Variants in SDK1 observed in about 807,000 individuals in gnomAD.
SDK1 encodes protein sidekick-1.
Under a neutral mutation model 245.5 loss-of-function variants are expected in SDK1, and 157 were observed. That is an observed-to-expected ratio of 0.64 (90% confidence interval 0.56 to 0.73). SDK1 has a LOEUF of 0.73. Ranked by LOEUF, SDK1 falls within the 30% of genes least tolerant of loss-of-function variation. The pLI is 0.00. For missense variants in SDK1, 3,583 were observed against 3,002.3 expected (o/e 1.19, Z -4.52); for synonymous variants, 1,647 against 1,278.5 (o/e 1.29, Z -6.15).
intron 17 of SDK1, among the ~76,000 whole-genome samples, chr7:4,022,530 C>A (rs1786982402): frequency 3.3e-5 from 5 of 152,246 alleles, no homozygotes; most frequent in Admixed American, 2.6e-4. Context: ...TATGCCTGGG[C>A]TGAGGGAGGG....
chr7:4,084,547 G>A (rs193117005), intron 22 of SDK1, among the ~76,000 whole-genome samples: 5 of 152,190 alleles, frequency 3.3e-5, no homozygotes, highest in African/African-American at 7.2e-5. Flanking sequence ...GGATCTCCTC[G>A]CTCCCAGCTG....
At chr7:3,577,084 T>C (rs1780318061) in intron 1 of SDK1, among the ~76,000 whole-genome samples, 1 of 151,830 alleles carries the variant, frequency 6.6e-6, no homozygotes, top group Non-Finnish European at 1.5e-5. Flanking sequence ...AGCACACACA[T>C]CCTCCTGGAG....
chr7:4,125,124 A>T (rs1256210435), intron 25 of SDK1, among the ~76,000 whole-genome samples: 1 of 145,852 alleles, frequency 6.9e-6, no homozygotes, highest in Non-Finnish European at 1.5e-5. Context: ...GGGTGAATGG[A>T]TGGATGGAAA....
intron 4 of SDK1, among the ~76,000 whole-genome samples, chr7:3,791,790 A>C (rs1348219640): frequency 1.3e-5 from 2 of 152,144 alleles, no homozygotes. Context: ...TCTTTTGGCC[A>C]GTTATGGAAC....
intron 4 of SDK1, among the ~76,000 whole-genome samples, chr7:3,787,432 C>T (rs556178164): frequency 1.6e-4 from 24 of 152,246 alleles, no homozygotes; most frequent in African/African-American, 4.3e-4. Flanking sequence ...CTTGTGCACA[C>T]GCTGTGTTCC....
At chr7:3,770,151 C>G (rs562618965) in intron 4 of SDK1, among the ~76,000 whole-genome samples, 1 of 152,182 alleles carries the variant, frequency 6.6e-6, no homozygotes, top group African/African-American at 2.4e-5. Context: ...TGTTCTGTAT[C>G]TGGACTGTAT....
chr7:3,686,649 C>T (rs1784291465), intron 4 of SDK1, among the ~76,000 whole-genome samples: 1 of 152,030 alleles, frequency 6.6e-6, no homozygotes, highest in South Asian at 2.1e-4. Context: ...GGTGACAGGA[C>T]ACAGCGCACT....
intron 1 of SDK1, among the ~76,000 whole-genome samples, chr7:3,440,427 T>G (rs1044092522): frequency 2.6e-5 from 4 of 151,916 alleles, no homozygotes; most frequent in Non-Finnish European, 5.9e-5. Flanking sequence ...GATGTGTAGG[T>G]TTTCTGGAAA....
intron 4 of SDK1, among the ~76,000 whole-genome samples, chr7:3,783,322 A>G (rs963619957): frequency 6.6e-6 from 1 of 152,168 alleles, no homozygotes; most frequent in African/African-American, 2.4e-5. Flanking sequence ...TATTCTTGCC[A>G]CTTATATTTA....
chr7:3,690,578 T>G (rs1440954907), intron 4 of SDK1, among the ~76,000 whole-genome samples: 1 of 152,162 alleles, frequency 6.6e-6, no homozygotes, highest in Admixed American at 6.5e-5. Flanking sequence ...GTGGCCTCAC[T>G]GATATTGATT....
At chr7:3,509,538 G>A (rs139201495) in intron 1 of SDK1, among the ~76,000 whole-genome samples, 18 of 152,288 alleles carry the variant, frequency 1.2e-4, no homozygotes, top group East Asian at 5.8e-4. Context: ...GTTTGGGGCC[G>A]TTGTGTTACC....
chr7:3,774,771 C>A (rs916004428), intron 4 of SDK1, among the ~76,000 whole-genome samples: 1 of 152,162 alleles, frequency 6.6e-6, no homozygotes, highest in African/African-American at 2.4e-5. Context: ...GTTTTATGAT[C>A]TTCTCCTGAA....
intron 13 of SDK1, among the ~76,000 whole-genome samples, chr7:3,975,653 A>G (rs1160716807): frequency 2.0e-5 from 3 of 152,254 alleles, no homozygotes; most frequent in Non-Finnish European, 4.4e-5. Flanking sequence ...GCTTTCCTGT[A>G]GTCCCTATTT....
intron 5 of SDK1, among the ~76,000 whole-genome samples, chr7:3,873,173 C>A (rs570524385): frequency 1.3e-5 from 2 of 151,764 alleles, no homozygotes; most frequent in Non-Finnish European, 2.9e-5. Context: ...TCTGAAAAGT[C>A]TTTCTTTCTC....
rs111295848 is a variant in SDK1, at chr7:4,077,025, G to C, written c.3038G>C (p.Gly1013Ala). The C allele has an allele frequency of 6.2e-7, 1 of 1,614,104 alleles. No individual in the cohort carries two copies. Residue 1013 changes from glycine (G) to alanine (A), a missense_variant, in exon 21 of 45, where the codon GGC (glycine) becomes GCC (alanine). By Grantham distance (60) the Gly-to-Ala change is moderately conservative. Coordinates refer to ENST00000404826, the MANE Select transcript of SDK1 (RefSeq NM_152744.4). ...TGYQISWEVY[G>A]RNDSRLTHTL... ...TATCAGATCTCTTGGGAAGTGTACG[G>C]CAGGAACGACTCTCGTCTCACGCAC...
intron 4 of SDK1, among the ~76,000 whole-genome samples, chr7:3,652,542 G>A (rs928784049): frequency 5.3e-5 from 8 of 152,202 alleles, no homozygotes; most frequent in African/African-American, 1.4e-4. Context: ...GAGATTTCTC[G>A]TGGATTTTTA....
At chr7:3,705,732 TG>T (rs1784869215) in intron 4 of SDK1, among the ~76,000 whole-genome samples, 1 of 152,100 alleles carries the variant, frequency 6.6e-6, no homozygotes, top group African/African-American at 2.4e-5. Flanking sequence ...TTTTCCAATT[TG>T]GGTGCCCTTT....
chr7:3,719,992 A>G (rs113526675), intron 4 of SDK1, among the ~76,000 whole-genome samples: 4,791 of 151,664 alleles, frequency 0.032, 254 homozygotes, highest in African/African-American at 0.11. Context: ...AAAAAAAAAG[A>G]AAGAAAAGGA....
At chr7:4,237,591 T>C in intron 41 of SDK1, 56 bp from the exon 42 acceptor site, 1 of 1,605,726 alleles carries the variant, frequency 6.2e-7, no homozygotes, top group Non-Finnish European at 8.5e-7. Flanking sequence ...TCGCGGGAGG[T>C]GACTGCAGCT....
Sources: allele counts gnomAD v4.1 joint callset (sites outside exome capture counted in the v4.1 genomes callset), GRCh38; gene constraint gnomAD v4.1.1; transcripts MANE v1.5; gene names NCBI Gene and HGNC (gene_info 2026-07-23, HGNC 2026-07-21).